LRRC71: variants seen among roughly 807,000 people sequenced by gnomAD.
LRRC71 encodes the protein leucine rich repeat containing 71.
A neutral mutation model predicts 66.6 loss-of-function variants in LRRC71; 54 were observed. The ratio of observed to expected loss-of-function variants is 0.81; its 90% CI spans 0.65 to 1.02. LRRC71 has a LOEUF of 1.02. Among genes scored for constraint, LRRC71 ranks in the 50% least tolerant of loss-of-function variants. LRRC71 has a pLI of 0.00. For missense variants in LRRC71, 724 were observed against 718.0 expected (o/e 1.01, Z -0.10); for synonymous variants, 323 against 303.9 (o/e 1.06, Z -0.65).
At position 156,929,760 on chromosome 1, in the gene LRRC71, C is replaced by T. The variant is rs767333311; in HGVS notation, c.1240+31C>T. The T allele has an allele frequency of 7.2e-6, 11 of 1,534,508 alleles. No homozygotes were observed. The Admixed American group carries it at 2.2e-4, about 30-fold the overall frequency. On this transcript the variant is annotated intron_variant, in intron 11 of 14. Coordinates refer to ENST00000337428, the MANE Select transcript of LRRC71 (RefSeq NM_144702.3). Reference sequence around the variant, plus strand: ...TGCGGGTGCCCCTGGGTGGCATCTTCCTGTGTGGAGGAGGGAAGAGTGCCG... The same window carrying T: ...TGCGGGTGCCCCTGGGTGGCATCTTTCTGTGTGGAGGAGGGAAGAGTGCCG...
At position 156,932,969 on chromosome 1, in the gene LRRC71, G is replaced by A; in HGVS notation, c.1680G>A (p.Ter560=). 6.4e-7 allele frequency: 1 copy of A among 1,559,976 alleles called. No homozygotes were observed. The change falls in exon 15 of 15, where the codon TAG becomes TAA. Residue 560 remains the stop codon, a stop_retained_variant. Coordinates refer to ENST00000337428, the MANE Select transcript of LRRC71 (RefSeq NM_144702.3). ...ATGAGGCCATGGCATTCTTCCCCTAGCCCCCTCCCACCTGCTTGCCTCTAA... is the reference window on the plus strand; with the variant it reads ...ATGAGGCCATGGCATTCTTCCCCTAACCCCCTCCCACCTGCTTGCCTCTAA... ...REDEAMAFFP[*] is the part of the protein sequence containing the mutation.
downstream of LRRC71, chr1:156,936,795 G>A: frequency 4.4e-6 from 7 of 1,606,490 alleles, no homozygotes; most frequent in Non-Finnish European, 5.1e-6. Context: ...TAGGAACCGA[G>A]AGGGACCTGG....
downstream of LRRC71, among the ~76,000 whole-genome samples, chr1:156,937,853 C>T (rs997947993): frequency 6.6e-6 from 1 of 152,206 alleles, no homozygotes; most frequent in Non-Finnish European, 1.5e-5. Context: ...GAGCAGGCAG[C>T]AGCCCTCTTG....
At chr1:156,922,993 C>G (rs938059434) in intron 1 of LRRC71, among the ~76,000 whole-genome samples, 1 of 152,232 alleles carries the variant, frequency 6.6e-6, no homozygotes, top group Non-Finnish European at 1.5e-5. Context: ...CTTCTCTTAC[C>G]TGCTTCGCCC....
In LRRC71 at chr1:156,923,998, C is replaced by CA. The variant is rs2101598979; in HGVS notation, c.211dup (p.Thr71AsnfsTer46). Reference sequence around the variant, plus strand: ...TCGAGACCGACTTCGCCGAGCTCTGCACGCGGTGGGGCTACACGGACTTCC... The same window carrying CA: ...TCGAGACCGACTTCGCCGAGCTCTGCAACGCGGTGGGGCTACACGGACTTCC... On this transcript the variant is annotated frameshift_variant, in exon 2 of 15. Transcript: ENST00000337428. LOFTEE classifies it high-confidence loss of function. 1 of 1,545,902 alleles carries CA rather than the reference C, an allele frequency of 6.5e-7. No homozygotes were observed. Among genetic ancestry groups the CA allele is most frequent in the East Asian group, 2.4e-5 (1 of 40,834 alleles).
In LRRC71 at chr1:156,932,433, TCA is replaced by T. The variant is rs746213718; in HGVS notation, c.1454_1455del (p.Thr485ArgfsTer37). 21 of 1,613,140 alleles carry T rather than the reference TCA, an allele frequency of 1.3e-5. No individual in the cohort carries two copies. Among genetic ancestry groups the T allele is most frequent in the Non-Finnish European group, 1.7e-5 (20 of 1,179,828 alleles). On this transcript the variant is annotated frameshift_variant, in exon 14 of 15. Coordinates refer to ENST00000337428, the MANE Select transcript of LRRC71 (RefSeq NM_144702.3). LOFTEE classifies it high-confidence loss of function. ...CTGTAACTTCCACCAGGGAACCGCA[TCA>T]CAGAGGTGGGGCTGGAGGGCTTCCT...
At chr1:156,936,689 A>C, downstream of LRRC71, 4 of 1,105,146 alleles carry the variant, frequency 3.6e-6, no homozygotes, top group Non-Finnish European at 5.2e-6. Flanking sequence ...TGAGAGAATG[A>C]ACTCGTTTCA....
At chr1:156,939,459 G>T in the LRRC71 span, 7 of 1,567,060 alleles carry the variant, frequency 4.5e-6, no homozygotes, top group Non-Finnish European at 6.1e-6. Flanking sequence ...TACCCAGGGG[G>T]AGTATAGGGA....
downstream of LRRC71, chr1:156,936,688 G>A: frequency 9.1e-7 from 1 of 1,101,212 alleles, no homozygotes; most frequent in Non-Finnish European, 1.3e-6. Context: ...CTGAGAGAAT[G>A]AACTCGTTTC....
chr1:156,937,171 C>T, downstream of LRRC71: 1 of 1,597,968 alleles, frequency 6.3e-7, no homozygotes, highest in Non-Finnish European at 8.5e-7. Flanking sequence ...CCCGCGAAGA[C>T]ACACATCTCA....
intron 5 of LRRC71, among the ~76,000 whole-genome samples, chr1:156,926,433 G>T (rs1429257498): frequency 6.6e-6 from 1 of 152,166 alleles, no homozygotes; most frequent in African/African-American, 2.4e-5. Context: ...CATGGCAGCT[G>T]GCCAGCTGAG....
chr1:156,940,343 C>T, the LRRC71 span: 1 of 1,613,970 alleles, frequency 6.2e-7, no homozygotes, highest in Non-Finnish European at 8.5e-7. Flanking sequence ...CACCCAGTTC[C>T]TCTTCCTCTG....
chr1:156,924,695 G>T lies in LRRC71; in HGVS notation c.492G>T (p.Pro164=). 17 of 1,551,100 alleles carry T rather than the reference G, an allele frequency of 1.1e-5. No homozygotes were observed. Among genetic ancestry groups the T allele is most frequent in the Non-Finnish European group, 1.5e-5 (17 of 1,146,714 alleles). Residue 164 remains proline, a synonymous_variant, in exon 4 of 15, where the codon CCG becomes CCT. Coordinates refer to ENST00000337428, the MANE Select transcript of LRRC71 (RefSeq NM_144702.3). ...GTGTCTTCTCTAAATGTCTGCCCCC[G>T]CTTACCCAGCTACAGGCCATCAAGT... is the stretch of plus-strand genomic sequence containing the variant. ...ILGVFSKCLP[P]LTQLQAINLW...
chr1:156,925,304 G>A (rs1297674858), intron 5 of LRRC71, among the ~76,000 whole-genome samples: 1 of 152,200 alleles, frequency 6.6e-6, no homozygotes. Flanking sequence ...AGAGGTTCTC[G>A]CTCTCCTTCC....
chr1:156,927,138 C>T, intron 5 of LRRC71, 64 bp from the exon 6 acceptor site: 1 of 1,447,400 alleles, frequency 6.9e-7, no homozygotes, highest in Non-Finnish European at 9.5e-7. Flanking sequence ...CACTTCCTCT[C>T]TGTTCCCTTC....
rs752804939 is a variant in LRRC71, at chr1:156,929,373, A to G, written c.1090A>G (p.Lys364Glu). 1 of 1,613,856 alleles carries G rather than the reference A, an allele frequency of 6.2e-7. No homozygotes were observed. Among genetic ancestry groups the G allele is most frequent in the Non-Finnish European group, 8.5e-7 (1 of 1,179,830 alleles). Residue 364 changes from lysine to glutamate, a missense_variant, in exon 10 of 15, where the codon AAG (lysine) becomes GAG (glutamate). By Grantham distance (56) the Lys-to-Glu change is moderately conservative. Coordinates refer to ENST00000337428, the MANE Select transcript of LRRC71 (RefSeq NM_144702.3). ...SNSALVDKTD[K>E]TQTMKTPKGL... ...TAGTGCATTGGTGGACAAGACAGAC[A>G]AGACGCAGACAATGAAAACCCCTAA...
downstream of LRRC71, chr1:156,935,625 G>C (rs1371995191): frequency 1.0e-5 from 2 of 196,794 alleles, no homozygotes; most frequent in African/African-American, 4.6e-5. Flanking sequence ...GGAAGAAAGT[G>C]CATTTACACA....
chr1:156,930,470 G>T, intron 11 of LRRC71, 59 bp from the exon 12 acceptor site: 1 of 1,446,714 alleles, frequency 6.9e-7, no homozygotes, highest in Non-Finnish European at 9.4e-7. Context: ...CTCTGGGGAG[G>T]GAGCCTGGGT....
At chr1:156,937,450 G>A (rs974827289), downstream of LRRC71, 1 of 1,553,960 alleles carries the variant, frequency 6.4e-7, no homozygotes, top group Non-Finnish European at 8.7e-7. Flanking sequence ...AGTGGTCGGT[G>A]CTTGAGTCCG....
Sources: gnomAD v4.1 joint callset for allele counts (sites outside exome capture counted in the v4.1 genomes callset) on GRCh38, gnomAD v4.1.1 for gene constraint, MANE v1.5 for transcripts, NCBI Gene and HGNC (gene_info 2026-07-23, HGNC 2026-07-21) for gene names.